JARID2: variants seen among roughly 807,000 people sequenced by gnomAD.
The protein encoded by JARID2 is protein Jumonji.
A neutral mutation model predicts 125.6 loss-of-function variants in JARID2; 21 were observed. That is an observed-to-expected ratio of 0.17 (90% CI 0.12 to 0.24). The LOEUF (loss-of-function observed/expected upper bound fraction) is 0.24, where lower values mean the gene tolerates loss of function less well. JARID2 is among the 10% of genes least tolerant of loss of function. The pLI is 1.00. For synonymous variants in JARID2, 736 were observed against 661.6 expected, an observed-to-expected ratio of 1.11 and a Z score of -1.73; for missense variants, 1,303 against 1,639.6, an observed-to-expected ratio of 0.79 and a Z score of 3.55.
chr6:15,425,220 T>C (rs1347277311), intron 3 of JARID2, among the ~76,000 whole-genome samples: 1 of 152,148 alleles, frequency 6.6e-6, no homozygotes, highest in Admixed American at 6.5e-5. Flanking sequence ...AATTCTGGGG[T>C]GTGGCAAAGT....
chr6:15,291,434 C>G (rs1233812725), intron 1 of JARID2, among the ~76,000 whole-genome samples: 1 of 152,192 alleles, frequency 6.6e-6, no homozygotes. Flanking sequence ...GGGGCACAAT[C>G]TGTTTTCCCC....
At chr6:15,428,927 C>A (rs375805587) in intron 3 of JARID2, among the ~76,000 whole-genome samples, 1,404 of 99,308 alleles carry the variant, frequency 0.014, 26 homozygotes, top group African/African-American at 0.037. Flanking sequence ...AAAAAAAAAA[C>A]AAACCCCCCC....
intron 1 of JARID2, among the ~76,000 whole-genome samples, chr6:15,323,228 T>G (rs963187003): frequency 9.2e-5 from 14 of 152,272 alleles, no homozygotes; most frequent in Admixed American, 2.6e-4. Flanking sequence ...CATTTCTCCC[T>G]GATTGCCTTC....
intron 3 of JARID2, among the ~76,000 whole-genome samples, chr6:15,429,769 G>A (rs1311042932): frequency 1.3e-5 from 2 of 152,072 alleles, no homozygotes; most frequent in Admixed American, 6.6e-5. Context: ...GATACATACC[G>A]TTTTGTCTCC....
intron 1 of JARID2, among the ~76,000 whole-genome samples, chr6:15,255,969 A>C (rs1405286129): frequency 6.6e-6 from 1 of 152,152 alleles, no homozygotes; most frequent in African/African-American, 2.4e-5. Context: ...CCTTGTGTTA[A>C]ACTGGCTGTG....
chr6:15,494,413 C>CTTTTTGTTTTTTTTTTTTT (rs1770303411), intron 6 of JARID2, among the ~76,000 whole-genome samples: 1 of 80,596 alleles, frequency 1.2e-5, no homozygotes, highest in Non-Finnish European at 2.2e-5. Context: ...TTTGGCAAGT[C>CTTTTTGTTTTTTTTTTTTT]TTTTTTTTTT....
intron 1 of JARID2, chr6:15,324,297 G>A (rs1286287796): frequency 6.6e-6 from 1 of 151,718 alleles, no homozygotes; most frequent in Non-Finnish European, 1.5e-5. Context: ...ACCTAAGATT[G>A]GAAGGATTAT....
In JARID2 at chr6:15,520,644, T is replaced by A; in HGVS notation, c.*393T>A. On this transcript the variant is annotated 3_prime_UTR_variant, in exon 18 of 18. Transcript: ENST00000341776. The stretch of plus-strand genomic sequence containing the variant: ...GTTTGGAGAACAAATTTAAAAACCA[T>A]CAGTCATGTGAGCAGATTTTTTAGA... 3.6e-6 allele frequency: 1 copy of A among 280,100 alleles called. No individual in the cohort carries two copies. The highest frequency in any genetic ancestry group is 2.9e-5 in the South Asian group (1 of 35,010). The allele number at this position is 280,100 out of a possible 1,614,324, so 17.4% of individuals were successfully genotyped here.
chr6:15,518,930 G>T (rs115296512), intron 17 of JARID2, among the ~76,000 whole-genome samples: 348 of 152,306 alleles, frequency 2.3e-3, no homozygotes, highest in African/African-American at 7.9e-3. Context: ...TTGCTGGGGT[G>T]GGGGGTGCAC....
chr6:15,411,646 A>G (rs1765882816), intron 3 of JARID2, among the ~76,000 whole-genome samples: 1 of 152,262 alleles, frequency 6.6e-6, no homozygotes, highest in Non-Finnish European at 1.5e-5. Flanking sequence ...AGCATGAATT[A>G]TCACAAGAGA....
chr6:15,480,734 A>G (rs1769572914), intron 5 of JARID2, among the ~76,000 whole-genome samples: 1 of 152,212 alleles, frequency 6.6e-6, no homozygotes, highest in Non-Finnish European at 1.5e-5. Flanking sequence ...CAAGTCCTGG[A>G]GGGCGGATAA....
chr6:15,509,038 T>G, intron 12 of JARID2: 1 of 1,289,370 alleles, frequency 7.8e-7, no homozygotes, highest in South Asian at 1.2e-5. Flanking sequence ...ATCTCGTTCC[T>G]GCCATGTGGA....
intron 1 of JARID2, among the ~76,000 whole-genome samples, chr6:15,305,448 G>A (rs1278729085): frequency 6.6e-6 from 1 of 152,144 alleles, no homozygotes; most frequent in Non-Finnish European, 1.5e-5. Context: ...TTTTCGCCAC[G>A]CTAAATTTCA....
At chr6:15,399,543 A>G (rs1765345827) in intron 2 of JARID2, among the ~76,000 whole-genome samples, 1 of 152,140 alleles carries the variant, frequency 6.6e-6, no homozygotes, top group Non-Finnish European at 1.5e-5. Context: ...ATGTTTATAT[A>G]TTTTTGATGT....
chr6:15,511,359 C>T lies in JARID2; in HGVS notation c.2910C>T (p.Ala970=), dbSNP rs1474770429. Residue 970 remains alanine (A), a synonymous_variant, in exon 13 of 18, where the codon GCC becomes GCT. Coordinates refer to ENST00000341776, the MANE Select transcript of JARID2 (RefSeq NM_004973.4). ...ATGTGGTCCACACCCTGCTGCAAGC[C>T]AATGGCACCCCAGGGCTGCAGATGC... ...LEDVVHTLLQ[A]NGTPGLQMLE... is the part of the protein sequence containing the mutation. 6.2e-7 allele frequency: 1 copy of T among 1,613,934 alleles called. No homozygotes were observed. Among genetic ancestry groups the T allele is most frequent in the South Asian group, 1.1e-5 (1 of 91,080 alleles).
At chr6:15,438,995 G>A (rs1767334254) in intron 3 of JARID2, among the ~76,000 whole-genome samples, 1 of 148,724 alleles carries the variant, frequency 6.7e-6, no homozygotes, top group East Asian at 2.0e-4. Context: ...TCACGCCACT[G>A]CACTCCAGCC....
intron 1 of JARID2, among the ~76,000 whole-genome samples, chr6:15,271,622 C>T (rs889019422): frequency 1.3e-5 from 2 of 152,146 alleles, no homozygotes; most frequent in Non-Finnish European, 2.9e-5. Context: ...CCAGCCTGGG[C>T]AACAATAGTG....
intron 1 of JARID2, among the ~76,000 whole-genome samples, chr6:15,333,318 T>G (rs1581423648): frequency 6.6e-6 from 1 of 152,350 alleles, no homozygotes; most frequent in Non-Finnish European, 1.5e-5. Flanking sequence ...AATTGTGGAC[T>G]ATTTTCATCA....
At chr6:15,441,551 G>A (rs1252559114) in intron 3 of JARID2, among the ~76,000 whole-genome samples, 3 of 152,126 alleles carry the variant, frequency 2.0e-5, no homozygotes, top group Non-Finnish European at 4.4e-5. Flanking sequence ...GAAAATTTCT[G>A]TTAGTGAACT....
Sources: gnomAD v4.1 joint callset for allele counts (sites outside exome capture counted in the v4.1 genomes callset) on GRCh38, gnomAD v4.1.1 for gene constraint, MANE v1.5 for transcripts, NCBI Gene and HGNC (gene_info 2026-07-23, HGNC 2026-07-21) for gene names.